TRMT44: variants seen among roughly 807,000 people sequenced by gnomAD.
The protein encoded by TRMT44 is probable tRNA (uracil-O(2)-)-methyltransferase.
In TRMT44, 78 loss-of-function variants were observed where a neutral mutation model predicts 77.3. The observed-to-expected ratio is 1.01, with a 90% CI of 0.84 to 1.22. The LOEUF (loss-of-function observed/expected upper bound fraction) is 1.22. Ranked by LOEUF, TRMT44 falls within the 50% of genes most tolerant of loss-of-function variation. TRMT44 has a pLI of 0.00. For synonymous variants in TRMT44, 391 were observed against 383.3 expected, an observed-to-expected ratio of 1.02 and a Z score of -0.23; for missense variants, 1,090 against 964.4, an observed-to-expected ratio of 1.13 and a Z score of -1.73.
chr4:8,465,559 AG>A lies in TRMT44; in HGVS notation c.1493del (p.Arg498LysfsTer35), dbSNP rs767142371. On this transcript the variant is annotated frameshift_variant and splice_region_variant, in exon 8 of 11. Transcript: ENST00000389737. LOFTEE classifies it high-confidence loss of function. The part of the protein sequence containing the change: ...EDCLRIPSTK[R>X]VCLVGKSRTY... Reference sequence around the variant, plus strand: ...CTGCCTCAGGATTCCTTCAACCAAAAGAGTATGTCTGATTCTCATGTTGTTC... The same window carrying A: ...CTGCCTCAGGATTCCTTCAACCAAAAAGTATGTCTGATTCTCATGTTGTTC... 6.2e-7 allele frequency: 1 copy of A among 1,611,032 alleles called. No individual in the cohort carries two copies. The highest frequency in any genetic ancestry group is 1.7e-4 in the Middle Eastern group (1 of 6,040).
chr4:8,442,608 C>T (rs1007731885), intron 1 of TRMT44, among the ~76,000 whole-genome samples: 4 of 152,232 alleles, frequency 2.6e-5, no homozygotes, highest in Non-Finnish European at 5.9e-5. Context: ...AACAGCCTGC[C>T]GGCTGGGCTC....
At chr4:8,462,136 TGTG>T (rs1726195068) in intron 6 of TRMT44, among the ~76,000 whole-genome samples, 1 of 151,950 alleles carries the variant, frequency 6.6e-6, no homozygotes, top group Non-Finnish European at 1.5e-5. Context: ...AAAAGCCGGG[TGTG>T]GTGGCTCACG....
At position 8,484,864 on chromosome 4, in the gene TRMT44, G is replaced by T. The variant is rs118132820; in HGVS notation, n.3891+5331G>T. On this transcript the variant is annotated intron_variant and non_coding_transcript_variant, in intron 2 of 2. Coordinates refer to the TRMT44 transcript ENST00000511366. ...AGAAGGGTTGGGGTTTGAGAGATTA[G>T]TTGGACATGAGCGGCAGGGAGAGCA... 7.4e-4 allele frequency among the ~76,000 whole-genome samples: 113 copies of T among 152,296 alleles called. 1 individual carries two copies. In the East Asian group the frequency reaches 0.019, roughly 25 times the overall value.
At chr4:8,490,169 C>G (rs956810366) in intron 2 of TRMT44, among the ~76,000 whole-genome samples, 2 of 152,104 alleles carry the variant, frequency 1.3e-5, no homozygotes. Flanking sequence ...TGGCCACCCC[C>G]ACGCCTTCCC....
At chr4:8,465,654 C>T (rs928720128) in intron 8 of TRMT44, 93 bp downstream of exon 8, 15 of 1,162,954 alleles carry the variant, frequency 1.3e-5, no homozygotes, top group East Asian at 7.1e-5. Flanking sequence ...CATGCTGTAA[C>T]GTTCAAAATG....
chr4:8,510,692 G>A, the TRMT44 span: 1 of 152,578 alleles, frequency 6.6e-6, no homozygotes, highest in African/African-American at 2.4e-5. Context: ...GAAAGCATTT[G>A]GTTTAGACGT....
chr4:8,475,490 C>T (rs955980331), intron 10 of TRMT44, among the ~76,000 whole-genome samples: 1 of 152,188 alleles, frequency 6.6e-6, no homozygotes, highest in Non-Finnish European at 1.5e-5. Flanking sequence ...CTCGGGTTTG[C>T]TGCTGCTTTG....
At chr4:8,460,029 G>A (rs1010728501) in intron 6 of TRMT44, among the ~76,000 whole-genome samples, 1 of 152,324 alleles carries the variant, frequency 6.6e-6, no homozygotes. Flanking sequence ...CTGTCAGCCA[G>A]CCCTGGGCAC....
intron 1 of TRMT44, among the ~76,000 whole-genome samples, chr4:8,445,318 T>A (rs1026468807): frequency 6.6e-6 from 1 of 152,154 alleles, no homozygotes; most frequent in African/African-American, 2.4e-5. Context: ...ATGAGATAAT[T>A]CATGGAAAGA....
chr4:8,456,276 T>C (rs1030839978), intron 6 of TRMT44, among the ~76,000 whole-genome samples: 2 of 152,214 alleles, frequency 1.3e-5, no homozygotes, highest in South Asian at 2.1e-4. Flanking sequence ...TGGCACCAGC[T>C]CATTCCTCCA....
chr4:8,487,959 C>T (rs1050320131), intron 2 of TRMT44, among the ~76,000 whole-genome samples: 9 of 151,952 alleles, frequency 5.9e-5, no homozygotes, highest in East Asian at 1.9e-4. Flanking sequence ...TTTGGATCCA[C>T]GGATAAAACG....
chr4:8,449,948 T>A, intron 3 of TRMT44, 60 bp downstream of exon 3: 2 of 547,380 alleles, frequency 3.7e-6, no homozygotes, highest in Non-Finnish European at 5.1e-6. Flanking sequence ...TCTTTTCTTT[T>A]CTTTTTTTTT....
chr4:8,507,188 G>A, the TRMT44 span: 1 of 152,204 alleles, frequency 6.6e-6, no homozygotes, highest in South Asian at 2.1e-4. Context: ...GCAGGCACAG[G>A]GGGCTCTTTC....
chr4:8,469,210 A>G (rs1726813074), intron 9 of TRMT44, among the ~76,000 whole-genome samples: 1 of 152,160 alleles, frequency 6.6e-6, no homozygotes, highest in African/African-American at 2.4e-5. Context: ...CCCTCCAGAA[A>G]TCATTCGAAC....
chr4:8,486,986 G>T (rs1026536486), intron 2 of TRMT44, among the ~76,000 whole-genome samples: 2 of 152,120 alleles, frequency 1.3e-5, no homozygotes, highest in African/African-American at 4.8e-5. Context: ...TGGGACTGAG[G>T]GGACAGGCGG....
intron 9 of TRMT44, 91 bp from the exon 10 acceptor site, chr4:8,470,993 A>G: frequency 1.2e-6 from 1 of 850,376 alleles, no homozygotes; most frequent in Non-Finnish European, 1.9e-6. Flanking sequence ...GTGTGAGTGT[A>G]TGGAACTGAA....
chr4:8,470,095 G>A (rs931637236), intron 9 of TRMT44, among the ~76,000 whole-genome samples: 1 of 152,266 alleles, frequency 6.6e-6, no homozygotes, highest in Non-Finnish European at 1.5e-5. Flanking sequence ...CTGTTATGGA[G>A]TCCATGCTGG....
chr4:8,485,524 G>A (rs1056580764), intron 2 of TRMT44, among the ~76,000 whole-genome samples: 6 of 152,200 alleles, frequency 3.9e-5, no homozygotes, highest in Admixed American at 6.5e-5. Context: ...ATGGGATATT[G>A]GCATTGAGCG....
chr4:8,443,048 C>T (rs1036293997), intron 1 of TRMT44, among the ~76,000 whole-genome samples: 1 of 152,196 alleles, frequency 6.6e-6, no homozygotes, highest in Non-Finnish European at 1.5e-5. Context: ...CTTCTGCCTA[C>T]CTCAGGCAGC....
Sources: gnomAD v4.1 joint callset for allele counts (sites outside exome capture counted in the v4.1 genomes callset) on GRCh38, gnomAD v4.1.1 for gene constraint, MANE v1.5 for transcripts, NCBI Gene and HGNC (gene_info 2026-07-23, HGNC 2026-07-21) for gene names.